Variants in DUOXA1 observed in about 807,000 individuals in gnomAD.
DUOXA1 encodes dual oxidase maturation factor 1, also known as dual oxidase activator 1.
In DUOXA1, 19 loss-of-function variants were observed where a neutral mutation model predicts 26.6. The observed-to-expected ratio is 0.71, with a 90% CI of 0.50 to 1.05. DUOXA1 has a LOEUF of 1.05. Among genes scored for constraint, DUOXA1 ranks in the 50% least tolerant of loss-of-function variants. DUOXA1 has a pLI of 0.00. For missense variants in DUOXA1, 403 were observed against 427.5 expected, an observed-to-expected ratio of 0.94 and a Z score of 0.51; for synonymous variants, 166 against 177.0, an observed-to-expected ratio of 0.94 and a Z score of 0.49.
At chr15:45,123,545 C>T (rs931274853) in intron 3 of DUOXA1, among the ~76,000 whole-genome samples, 11 of 152,210 alleles carry the variant, frequency 7.2e-5, no homozygotes, top group Admixed American at 6.5e-4. Context: ...TATAATCCAG[C>T]CACATCATCA....
rs1202285850 is a variant in DUOXA1 at position 45,118,038 on chromosome 15, C to A, written c.*1068G>T. On this transcript the variant is annotated 3_prime_UTR_variant, in exon 9 of 9. Transcript: ENST00000560572. The stretch of plus-strand genomic sequence containing the variant: ...CTGCTGGCGCGAGGCCTCGGACATC[C>A]GCAGGCACCAGGGAAAGTCTCCTGG... The A allele has an allele frequency of 2.5e-6, 4 of 1,594,790 alleles. No homozygotes were observed. The highest frequency in any genetic ancestry group is 3.4e-6 in the Non-Finnish European group (4 of 1,167,500).
rs1239020456 is a variant in DUOXA1 at position 45,121,186 on chromosome 15, C to A, written c.241G>T (p.Val81Phe). ...NFSSEWSVGQVSTNTSYKAFS... is the reference protein window; with the variant it reads ...NFSSEWSVGQFSTNTSYKAFS... ...GCCTTGTATGATGTGTTGGTGCTGA[C>A]CTGGCCCACAGACCACTCAGAACTG... Residue 81 changes from valine (V) to phenylalanine (F), a missense_variant, in exon 6 of 9, where the codon GTC (valine) becomes TTC (phenylalanine). Transcript: ENST00000560572. The A allele has an allele frequency of 6.2e-7, 1 of 1,614,158 alleles. No individual in the cohort carries two copies. Among genetic ancestry groups the A allele is most frequent in the Admixed American group, 1.7e-5 (1 of 60,024 alleles).
chr15:45,124,319 T>C (rs920017780), intron 3 of DUOXA1, among the ~76,000 whole-genome samples: 4 of 152,210 alleles, frequency 2.6e-5, no homozygotes, highest in African/African-American at 9.6e-5. Context: ...TAAGCATCAT[T>C]GTGAGCATGA....
In DUOXA1 at chr15:45,122,262, G is replaced by C; in HGVS notation, c.148-20C>G. The C allele has an allele frequency of 4.4e-6, 7 of 1,593,932 alleles. No homozygotes were observed. Among genetic ancestry groups the C allele is most frequent in the Non-Finnish European group, 6.0e-6 (7 of 1,169,508 alleles). On this transcript the variant is annotated intron_variant, in intron 4 of 8. Transcript: ENST00000560572. ...CAGCCTCTGAGTCACAAGGTAGGTG[G>C]GTTAAGTAAAGAGTGCCTTCCTTCC... is the stretch of plus-strand genomic sequence containing the variant.
intron 3 of DUOXA1, among the ~76,000 whole-genome samples, chr15:45,126,988 A>G (rs570869572): frequency 7.9e-5 from 12 of 152,392 alleles, no homozygotes; most frequent in Non-Finnish European, 1.8e-4. Flanking sequence ...CTTAGCTGAA[A>G]TGAGTAACTA....
Position 45,123,058 on chromosome 15 carries a change from T to C in DUOXA1, c.-29-15A>G, listed in dbSNP as rs370305735. Reference sequence around the variant, plus strand: ...GGGGGGCAATGCTGTACAACAACAATAGACATTTATTGCATGCCCTCAATG... The same window carrying C: ...GGGGGGCAATGCTGTACAACAACAACAGACATTTATTGCATGCCCTCAATG... On this transcript the variant is annotated splice_polypyrimidine_tract_variant and intron_variant, in intron 3 of 8. Coordinates refer to ENST00000560572, the MANE Select transcript of DUOXA1 (RefSeq NM_001276266.2). 22 of 1,560,982 alleles carry C rather than the reference T, an allele frequency of 1.4e-5. No individual in the cohort carries two copies. The South Asian group carries it at 1.5e-4, about 10-fold the overall frequency.
chr15:45,127,885 CACCTACAA>C (rs1895799253), intron 3 of DUOXA1, among the ~76,000 whole-genome samples: 1 of 152,136 alleles, frequency 6.6e-6, no homozygotes, highest in Admixed American at 6.5e-5. Flanking sequence ...GTCAAATATG[CACCTACAA>C]ATTTAGATAA....
intron 5 of DUOXA1, 88 bp from the exon 6 acceptor site, chr15:45,121,309 T>C: frequency 6.3e-7 from 1 of 1,589,234 alleles, no homozygotes; most frequent in Non-Finnish European, 8.6e-7. Flanking sequence ...AAGGGGTCCA[T>C]GTCTGTTTTG....
At chr15:45,122,049 G>A (rs1898298) in intron 5 of DUOXA1, 136 bp downstream of exon 5, 771,957 of 869,682 alleles carry the variant, frequency 0.89, 348,657 homozygotes, top group South Asian at 0.93. Flanking sequence ...GGTGAGAGAA[G>A]CATATGGGCA....
At chr15:45,124,716 T>C (rs982917026) in intron 3 of DUOXA1, among the ~76,000 whole-genome samples, 47 of 152,280 alleles carry the variant, frequency 3.1e-4, no homozygotes, top group Admixed American at 3.1e-3. Flanking sequence ...TTTCACCATG[T>C]TGGCCAGGCT....
intron 4 of DUOXA1, among the ~76,000 whole-genome samples, chr15:45,122,476 T>C (rs1895315485): frequency 6.6e-6 from 1 of 152,094 alleles, no homozygotes; most frequent in South Asian, 2.1e-4. Context: ...TGCGATCTTA[T>C]ATCACTGCAG....
chr15:45,127,378 A>G (rs2141225637), intron 3 of DUOXA1, among the ~76,000 whole-genome samples: 1 of 152,374 alleles, frequency 6.6e-6, no homozygotes, highest in Admixed American at 6.5e-5. Flanking sequence ...TAAAAGAAAC[A>G]CTAACAAAAG....
chr15:45,118,935 T>C lies in DUOXA1; in HGVS notation c.*171A>G, dbSNP rs1383313536. ...TTCAGTCCCTTAGGGCTTTTTGTTT[T>C]GTTTTGTTTTTTAACATCAGTATAT... On this transcript the variant is annotated 3_prime_UTR_variant, in exon 9 of 9. Transcript: ENST00000560572. The C allele has an allele frequency of 2.2e-6, 3 of 1,348,954 alleles. No individual in the cohort carries two copies. The highest frequency in any genetic ancestry group is 1.9e-6 in the Non-Finnish European group (2 of 1,052,822). 83.6% of individuals were successfully genotyped at this position (1,348,954 alleles called of 1,614,324 possible). A position where few individuals can be genotyped will look rare whatever the true frequency, so the allele number is the denominator to read the frequency against.
At chr15:45,123,402 T>C (rs112093629) in intron 3 of DUOXA1, among the ~76,000 whole-genome samples, 10 of 152,184 alleles carry the variant, frequency 6.6e-5, no homozygotes, top group Admixed American at 3.3e-4. Context: ...CTAGCACAGA[T>C]AGATCACAGA....
intron 3 of DUOXA1, among the ~76,000 whole-genome samples, chr15:45,126,032 T>G (rs777402086): frequency 1.3e-5 from 2 of 152,218 alleles, no homozygotes; most frequent in Non-Finnish European, 2.9e-5. Flanking sequence ...CTTTGTATGT[T>G]TGGCAACATC....
At position 45,120,336 on chromosome 15, in the gene DUOXA1, C is replaced by G; in HGVS notation, c.555-16G>C. ...GAATGCCACCCTGGAGAGCCAGGAC[C>G]CAGTGAGGACTGGCCCAGGTACTTC... On this transcript the variant is annotated splice_polypyrimidine_tract_variant and intron_variant, in intron 7 of 8. Transcript: ENST00000560572. 1.9e-6 allele frequency: 3 copies of G among 1,613,516 alleles called. No individual in the cohort carries two copies. In the East Asian group the frequency reaches 6.7e-5, roughly 36 times the overall value.
chr15:45,124,040 T>G (rs1229111050), intron 3 of DUOXA1, among the ~76,000 whole-genome samples: 2 of 135,704 alleles, frequency 1.5e-5, no homozygotes, highest in African/African-American at 7.3e-5. Flanking sequence ...GATGTCAGAA[T>G]GTGAAAAAAA....
chr15:45,124,753 T>C (rs765189261), intron 3 of DUOXA1, among the ~76,000 whole-genome samples: 29 of 152,134 alleles, frequency 1.9e-4, no homozygotes, highest in Non-Finnish European at 3.7e-4. Context: ...TCTCAAGCAA[T>C]CCACCATCCT....
intron 3 of DUOXA1, among the ~76,000 whole-genome samples, chr15:45,124,042 TGA>T (rs1491522148): frequency 7.4e-6 from 1 of 134,932 alleles, no homozygotes; most frequent in Non-Finnish European, 1.5e-5. Flanking sequence ...TGTCAGAATG[TGA>T]AAAAAAAAAA....
Sources: allele counts gnomAD v4.1 joint callset (sites outside exome capture counted in the v4.1 genomes callset), GRCh38; gene constraint gnomAD v4.1.1; transcripts MANE v1.5; gene names NCBI Gene and HGNC (gene_info 2026-07-23, HGNC 2026-07-21).